HECW2: variants seen among roughly 807,000 people sequenced by gnomAD.
The protein encoded by HECW2 is HECT, C2 and WW domain containing E3 ubiquitin protein ligase 2.
HECW2 carries 61 observed loss-of-function variants against 175.2 expected under a neutral mutation model. The observed-to-expected ratio is 0.35, with a 90% CI of 0.28 to 0.43. HECW2 has a LOEUF of 0.43. Ranked by LOEUF, HECW2 falls within the 20% of genes least tolerant of loss-of-function variation. The probability of loss-of-function intolerance (pLI) is 1.00; values close to 1 mark genes in which losing one functional copy is unlikely to be tolerated. For missense variants in HECW2, 1,524 were observed against 2,000.5 expected (o/e 0.76, Z 4.54); for synonymous variants, 671 against 731.0 (o/e 0.92, Z 1.32).
At chr2:196,373,022 G>A (rs1693950039) in intron 2 of HECW2, among the ~76,000 whole-genome samples, 1 of 152,178 alleles carries the variant, frequency 6.6e-6, no homozygotes. Context: ...AGCAGCACAC[G>A]ACCTGGTGCA....
intron 19 of HECW2, 94 bp downstream of exon 19, chr2:196,253,826 T>C: frequency 1.8e-6 from 2 of 1,127,182 alleles, no homozygotes; most frequent in South Asian, 2.6e-5. Flanking sequence ...GTACCTGAAG[T>C]GTTCCCTTAC....
intron 26 of HECW2, chr2:196,218,372 T>C (rs569163085): frequency 6.6e-6 from 1 of 152,334 alleles, no homozygotes; most frequent in East Asian, 1.9e-4. Flanking sequence ...GCTGAGGTTC[T>C]CAGCATTTTT....
chr2:196,255,774 T>A (rs1689031238), intron 18 of HECW2, among the ~76,000 whole-genome samples: 1 of 152,016 alleles, frequency 6.6e-6, no homozygotes. Context: ...AATTCCAAAG[T>A]GAAATAAAAA....
chr2:196,395,068 C>G (rs1375624192), intron 2 of HECW2, among the ~76,000 whole-genome samples: 1 of 152,118 alleles, frequency 6.6e-6, no homozygotes, highest in Non-Finnish European at 1.5e-5. Context: ...CATGAGAGGT[C>G]TGCCCTCATG....
At chr2:196,306,841 T>G (rs1044575659) in intron 12 of HECW2, among the ~76,000 whole-genome samples, 8 of 152,364 alleles carry the variant, frequency 5.3e-5, no homozygotes, top group Middle Eastern at 3.4e-3. Flanking sequence ...ATGAACATTT[T>G]AATGCATTCT....
chr2:196,470,292 T>C (rs1697143822), intron 1 of HECW2, among the ~76,000 whole-genome samples: 1 of 149,544 alleles, frequency 6.7e-6, no homozygotes, highest in African/African-American at 2.5e-5. Flanking sequence ...AGACCTTGTC[T>C]CCAAAAAAAA....
At chr2:196,334,334 C>G (rs1432346862) in intron 4 of HECW2, 90 bp downstream of exon 4, 1 of 940,720 alleles carries the variant, frequency 1.1e-6, no homozygotes, top group Non-Finnish European at 1.6e-6. Flanking sequence ...TTCATTGTTC[C>G]TCATAACCCT....
At chr2:196,282,173 T>C (rs1575351660) in intron 14 of HECW2, among the ~76,000 whole-genome samples, 1 of 152,196 alleles carries the variant, frequency 6.6e-6, no homozygotes, top group Non-Finnish European at 1.5e-5. Flanking sequence ...TAAGTATGTG[T>C]GGCCGAGACT....
chr2:196,477,071 A>C (rs1686657534), intron 1 of HECW2, among the ~76,000 whole-genome samples: 1 of 150,234 alleles, frequency 6.7e-6, no homozygotes, highest in Non-Finnish European at 1.5e-5. Context: ...TGAGCCCAGG[A>C]GTTTGAGGTT....
Position 196,523,414 on chromosome 2 carries a change from T to C in HECW2, c.-36+70094A>G, listed in dbSNP as rs1418363902. ...GTTTTCTAGATATACAATCATGCCGTCTGCAAACAGGGATAATTTGACTTC... is the reference window on the plus strand; with the variant it reads ...GTTTTCTAGATATACAATCATGCCGCCTGCAAACAGGGATAATTTGACTTC... On this transcript the variant is annotated intron_variant, in intron 1 of 28. Transcript: ENST00000644978. 3.3e-5 allele frequency among the ~76,000 whole-genome samples: 5 copies of C among 152,168 alleles called. No homozygotes were observed. In the South Asian group the frequency reaches 1.0e-3, roughly 32 times the overall value.
At chr2:196,440,770 T>C (rs1353989326) in intron 1 of HECW2, among the ~76,000 whole-genome samples, 1 of 152,208 alleles carries the variant, frequency 6.6e-6, no homozygotes, top group Non-Finnish European at 1.5e-5. Flanking sequence ...CAGGTTAATA[T>C]TCACTATATG....
chr2:196,543,903 C>T (rs1689314512), intron 1 of HECW2, among the ~76,000 whole-genome samples: 1 of 152,134 alleles, frequency 6.6e-6, no homozygotes, highest in Admixed American at 6.5e-5. Flanking sequence ...TGAGCCATTG[C>T]ACCCAGCCAG....
chr2:196,561,618 A>T (rs997275250), intron 1 of HECW2, among the ~76,000 whole-genome samples: 1 of 151,862 alleles, frequency 6.6e-6, no homozygotes, highest in Non-Finnish European at 1.5e-5. Flanking sequence ...TAGCTTTAAA[A>T]TTTTTCTCTT....
At chr2:196,396,631 A>C (rs1029442253) in intron 2 of HECW2, among the ~76,000 whole-genome samples, 1 of 152,196 alleles carries the variant, frequency 6.6e-6, no homozygotes, top group African/African-American at 2.4e-5. Flanking sequence ...CCCCAGACTA[A>C]TGTTTTTGGG....
intron 1 of HECW2, among the ~76,000 whole-genome samples, chr2:196,501,731 T>A (rs1687585877): frequency 6.6e-6 from 1 of 152,192 alleles, no homozygotes; most frequent in South Asian, 2.1e-4. Context: ...CTGTCATAGA[T>A]CAAAACATAA....
At chr2:196,527,340 G>A (rs1177831195) in intron 1 of HECW2, among the ~76,000 whole-genome samples, 3 of 152,228 alleles carry the variant, frequency 2.0e-5, no homozygotes, top group African/African-American at 4.8e-5. Context: ...TTCGGCTCAC[G>A]CACGGTGCAC....
intron 1 of HECW2, among the ~76,000 whole-genome samples, chr2:196,466,344 C>T (rs2125337990): frequency 6.6e-6 from 1 of 152,330 alleles, no homozygotes; most frequent in East Asian, 1.9e-4. Context: ...AATGACTTTC[C>T]TCCAAATATT....
intron 28 of HECW2, among the ~76,000 whole-genome samples, chr2:196,213,573 G>A (rs1575230380): frequency 6.6e-6 from 1 of 152,246 alleles, no homozygotes; most frequent in South Asian, 2.1e-4. Flanking sequence ...TATGAAAAGA[G>A]GCTGCTTGCT....
chr2:196,477,183 C>G (rs1686665320), intron 1 of HECW2, among the ~76,000 whole-genome samples: 1 of 151,298 alleles, frequency 6.6e-6, no homozygotes, highest in Non-Finnish European at 1.5e-5. Flanking sequence ...ATATCATGAC[C>G]TCAACTTATT....
Sources: allele counts gnomAD v4.1 joint callset (sites outside exome capture counted in the v4.1 genomes callset), GRCh38; gene constraint gnomAD v4.1.1; transcripts MANE v1.5; gene names NCBI Gene and HGNC (gene_info 2026-07-23, HGNC 2026-07-21).